Variants in HIP1R observed in about 807,000 individuals in gnomAD.
HIP1R encodes huntingtin interacting protein 1 related.
A neutral mutation model predicts 144.2 loss-of-function variants in HIP1R; 135 were observed. The observed-to-expected ratio is 0.94, with a 90% CI of 0.81 to 1.08. HIP1R has a LOEUF of 1.08. HIP1R is among the 50% of genes least tolerant of loss of function. The pLI, the probability that HIP1R is intolerant of heterozygous loss-of-function variation, is 0.00. For synonymous variants in HIP1R, 698 were observed against 612.8 expected, an observed-to-expected ratio of 1.14 and a Z score of -2.05; for missense variants, 1,462 against 1,432.8, an observed-to-expected ratio of 1.02 and a Z score of -0.33.
intron 1 of HIP1R, among the ~76,000 whole-genome samples, chr12:122,844,780 C>T (rs1246238484): frequency 1.3e-5 from 2 of 152,206 alleles, no homozygotes; most frequent in Non-Finnish European, 1.5e-5. Context: ...ATCCCTTCCA[C>T]TCCTCAAAGG....
rs558755795 is a variant in HIP1R, at chr12:122,850,923, T to C, written c.515+12T>C. The C allele has an allele frequency of 5.0e-6, 8 of 1,606,474 alleles. No individual in the cohort carries two copies. In the Admixed American group the frequency reaches 5.0e-5, roughly 10 times the overall value. On this transcript the variant is annotated intron_variant, in intron 6 of 31. Transcript: ENST00000253083. ...GATGTCAACAACATGTGAGTCACTC[T>C]GCATGGCTACATAGCCAGTTCCCCT...
In HIP1R at chr12:122,856,699, G is replaced by A. The variant is rs200847674; in HGVS notation, c.1593G>A (p.Ala531=). ...LEAKAGELAR[A]QEALSHTEQS... ...CCAAGGCCGGAGAGCTGGCCCGCGC[G>A]CAGGAGGCCCTGAGCCACACAGAGC... The change falls in exon 17 of 32, where the codon GCG becomes GCA. Residue 531 remains alanine (A), a synonymous_variant. Coordinates refer to ENST00000253083, the MANE Select transcript of HIP1R (RefSeq NM_003959.3). 46 of 1,587,204 alleles carry A rather than the reference G, an allele frequency of 2.9e-5. No homozygotes were observed. The highest frequency in any genetic ancestry group is 4.0e-5 in the African/African-American group (3 of 74,466).
chr12:122,856,767 C>A, intron 17 of HIP1R, 41 bp downstream of exon 17: 1 of 1,490,084 alleles, frequency 6.7e-7, no homozygotes. Flanking sequence ...GTTCTGGGGC[C>A]AGTCCTGGGT....
rs1374839926 is a variant in HIP1R at position 122,856,047 on chromosome 12, GGAAGCA to G, written c.1207_1212del (p.Gln403_Lys404del). The stretch of plus-strand genomic sequence containing the variant: ...CTGGAGGGTGAGCTGGAGGAGCAGC[GGAAGCA>G]GAAGCAGAAGGCCCTGGTGGATAAT... On this transcript the variant is annotated inframe_deletion, in exon 14 of 32. Coordinates refer to ENST00000253083, the MANE Select transcript of HIP1R (RefSeq NM_003959.3). 9 of 1,593,976 alleles carry G rather than the reference GGAAGCA, an allele frequency of 5.6e-6. No homozygotes were observed. In the Admixed American group the frequency reaches 7.1e-5, roughly 13 times the overall value.
At chr12:122,844,352 C>G (rs921213953) in intron 1 of HIP1R, among the ~76,000 whole-genome samples, 1 of 152,146 alleles carries the variant, frequency 6.6e-6, no homozygotes, top group Non-Finnish European at 1.5e-5. Flanking sequence ...GCCTTGAACT[C>G]CTGGGCTCAA....
Position 122,861,316 on chromosome 12 carries a change from C to T in HIP1R, c.2961C>T (p.Val987=). 6.2e-7 allele frequency: 1 copy of T among 1,613,648 alleles called. No homozygotes were observed. The highest frequency in any genetic ancestry group is 1.1e-5 in the South Asian group (1 of 91,082). The change falls in exon 31 of 32, where the codon GTC becomes GTT. Residue 987 remains valine, a synonymous_variant. Coordinates refer to ENST00000253083, the MANE Select transcript of HIP1R (RefSeq NM_003959.3). ...KKQEMETQVR[V]LELEKTLEAE... is the part of the protein sequence containing the mutation. ...AGGCCGTGTGGCTACAGGTGCGTGT[C>T]CTGGAGCTGGAGAAGACGCTGGAGG...
At position 122,848,024 on chromosome 12, in the gene HIP1R, C is replaced by A. The variant is rs762718504; in HGVS notation, c.94-7C>A. The A allele has an allele frequency of 1.2e-6, 2 of 1,613,558 alleles. No homozygotes were observed. The highest frequency in any genetic ancestry group is 2.7e-5 in the African/African-American group (2 of 75,054). On this transcript the variant is annotated splice_polypyrimidine_tract_variant and splice_region_variant and intron_variant, in intron 1 of 31. Coordinates refer to ENST00000253083, the MANE Select transcript of HIP1R (RefSeq NM_003959.3). ...GGCTCTAAACACTGCTCCTTTGTCC[C>A]TCACAGGCCATCAGCATCAGCAAAG...
rs368970440 is a variant in HIP1R at position 122,859,437 on chromosome 12, C to T, written c.2307C>T (p.Pro769=). 2 of 1,613,322 alleles carry T rather than the reference C, an allele frequency of 1.2e-6. No homozygotes were observed. The highest frequency in any genetic ancestry group is 2.2e-5 in the South Asian group (2 of 91,078). Residue 769 remains proline (P), a synonymous_variant, in exon 23 of 32, where the codon CCC becomes CCT. Transcript: ENST00000253083. ...CCCATCCTCACCAGGAACTGAAACC[C>T]AAGAGCCTAGATGTGCGGCAGGAGG... ...GILQLGQELK[P]KSLDVRQEEL... is the part of the protein sequence containing the mutation.
rs1289287120 is a variant in HIP1R, at chr12:122,856,082, C to A, written c.1231C>A (p.Gln411Lys). Residue 411 changes from glutamine to lysine, a missense_variant, in exon 14 of 32, where the codon CAG becomes AAG. Gln to Lys is a moderately conservative substitution (Grantham distance 53). Around this residue, in one of 2 missense-constraint regions of HIP1R, gnomAD observed 1,112 missense variants for 1,011.7 expected, o/e 1.10. Coordinates refer to ENST00000253083, the MANE Select transcript of HIP1R (RefSeq NM_003959.3). ...QKQKALVDNE[Q>K]LRHELAQLRA... ...GCAGAAGGCCCTGGTGGATAATGAG[C>A]AGCTCCGCCACGAGCTGGCCCAGCT... is the stretch of plus-strand genomic sequence containing the variant. 2.5e-6 allele frequency: 4 copies of A among 1,586,310 alleles called. No homozygotes were observed. In the South Asian group the frequency reaches 4.6e-5, roughly 18 times the overall value.
chr12:122,862,138 C>A lies in HIP1R; in HGVS notation c.*385C>A, dbSNP rs970557777. On this transcript the variant is annotated 3_prime_UTR_variant, in exon 32 of 32. Coordinates refer to ENST00000253083, the MANE Select transcript of HIP1R (RefSeq NM_003959.3). ...TGGGAAACCGGGCCAGCGTGGGGCTCCCTGCCTTCTGGACTCCTGAAGGTC... is the reference window on the plus strand; with the variant it reads ...TGGGAAACCGGGCCAGCGTGGGGCTACCTGCCTTCTGGACTCCTGAAGGTC... 1.5e-5 allele frequency: 3 copies of A among 195,708 alleles called. No homozygotes were observed. The highest frequency in any genetic ancestry group is 7.1e-5 in the African/African-American group (3 of 42,492). 12.1% of individuals were successfully genotyped at this position (195,708 alleles called of 1,614,324 possible).
chr12:122,859,739 C>T, intron 23 of HIP1R, 33 bp from the exon 24 acceptor site: 1 of 1,607,528 alleles, frequency 6.2e-7, no homozygotes, highest in Non-Finnish European at 8.5e-7. Flanking sequence ...TCCCCTCCTC[C>T]CAGCCAGCTC....
Position 122,848,050 on chromosome 12 carries a change from C to CTT in HIP1R, c.113_114insTT (p.Ile39SerfsTer9), listed in dbSNP as rs1164322866. 1 of 1,613,644 alleles carries CTT rather than the reference C, an allele frequency of 6.2e-7. No individual in the cohort carries two copies. Among genetic ancestry groups the CTT allele is most frequent in the Non-Finnish European group, 8.5e-7 (1 of 1,179,966 alleles). ...TCACAGGCCATCAGCATCAGCAAAG[C>CTT]CATCAACACCCAGGAGGCCCCCGTG... On this transcript the variant is annotated frameshift_variant, in exon 2 of 32. Coordinates refer to ENST00000253083, the MANE Select transcript of HIP1R (RefSeq NM_003959.3). LOFTEE classifies it high-confidence loss of function.
rs778935350 is a variant in HIP1R, at chr12:122,858,354, C to G, written c.1969C>G (p.Leu657Val). 3 of 1,608,972 alleles carry G rather than the reference C, an allele frequency of 1.9e-6. No homozygotes were observed. In the South Asian group the frequency reaches 3.3e-5, roughly 18 times the overall value. Residue 657 changes from leucine to valine, a missense_variant, in exon 20 of 32, where the codon CTG becomes GTG. Leu to Val is a conservative substitution (Grantham distance 32, BLOSUM62 1). Transcript: ENST00000253083. Reference protein sequence around the residue: ...HLRCTSSPDYLVSRAQEALDA... With the variant: ...HLRCTSSPDYVVSRAQEALDA... Reference sequence around the variant, plus strand: ...AGTTCTCCTCGTGCTTGCAGACTACCTGGTGAGCAGGGCCCAGGAGGCCTT... The same window carrying G: ...AGTTCTCCTCGTGCTTGCAGACTACGTGGTGAGCAGGGCCCAGGAGGCCTT...
chr12:122,857,136 A>G lies in HIP1R; in HGVS notation c.1736A>G (p.Glu579Gly), dbSNP rs1318949921. 5.2e-6 allele frequency: 8 copies of G among 1,550,348 alleles called. No individual in the cohort carries two copies. The highest frequency in any genetic ancestry group is 6.1e-6 in the Non-Finnish European group (7 of 1,146,938). The change falls in exon 18 of 32, where the codon GAG becomes GGG. Residue 579 changes from glutamate (E) to glycine (G), a missense_variant. Glu to Gly is a moderately conservative substitution (Grantham distance 98, BLOSUM62 -2). Coordinates refer to ENST00000253083, the MANE Select transcript of HIP1R (RefSeq NM_003959.3). Reference protein sequence around the residue: ...DLLAAQSLVRETEAALSREQQ... With the variant: ...DLLAAQSLVRGTEAALSREQQ... ...CTGGCGGCGCAGAGCCTGGTGCGCGAGACAGAGGCGGCGCTGAGCCGGGAG... is the reference window on the plus strand; with the variant it reads ...CTGGCGGCGCAGAGCCTGGTGCGCGGGACAGAGGCGGCGCTGAGCCGGGAG...
At chr12:122,851,797 A>T (rs1215543511) in intron 7 of HIP1R, among the ~76,000 whole-genome samples, 1 of 152,134 alleles carries the variant, frequency 6.6e-6, no homozygotes, top group Non-Finnish European at 1.5e-5. Context: ...CCCAGCGGGT[A>T]CATCCAGGAT....
chr12:122,855,534 A>C lies in HIP1R; in HGVS notation c.994-17A>C, dbSNP rs753675803. ...GAGGGCACAGGTGAGTGGGGTCACC[A>C]TGCTTTGCTGTGGCAGGTGGTGGCT... On this transcript the variant is annotated splice_polypyrimidine_tract_variant and intron_variant, in intron 11 of 31. Coordinates refer to ENST00000253083, the MANE Select transcript of HIP1R (RefSeq NM_003959.3). 4 of 1,549,364 alleles carry C rather than the reference A, an allele frequency of 2.6e-6. No homozygotes were observed. Among genetic ancestry groups the C allele is most frequent in the Non-Finnish European group, 3.5e-6 (4 of 1,147,028 alleles).
rs945797819 is a variant in HIP1R, at chr12:122,836,326, C to T, written c.93+683C>T. ...TAGGTGCACACCCCCTCATTAAATA[C>T]CGGCGCCCGACAGACAGAAACTTCC... On this transcript the variant is annotated intron_variant, in intron 1 of 31. Coordinates refer to ENST00000253083, the MANE Select transcript of HIP1R (RefSeq NM_003959.3). The surrounding 1 kb of genome is among the most constrained non-coding windows in gnomAD (Gnocchi z 4.1). 1.3e-5 allele frequency among the ~76,000 whole-genome samples: 2 copies of T among 152,156 alleles called. No homozygotes were observed. The highest frequency in any genetic ancestry group is 4.8e-5 in the African/African-American group (2 of 41,432).
rs568164279 is a variant in HIP1R at position 122,859,754 on chromosome 12, C to G, written c.2407-18C>G. On this transcript the variant is annotated intron_variant, in intron 23 of 31. Coordinates refer to ENST00000253083, the MANE Select transcript of HIP1R (RefSeq NM_003959.3). ...TCCCCTCCTCCCAGCCAGCTCACGG[C>G]TCTGTTCTTGGGTGCAGGACATGAT... is the stretch of plus-strand genomic sequence containing the variant. The G allele has an allele frequency of 6.2e-7, 1 of 1,611,272 alleles. No homozygotes were observed. The highest frequency in any genetic ancestry group is 8.5e-7 in the Non-Finnish European group (1 of 1,178,564).
In HIP1R at chr12:122,858,186, A is replaced by G. The variant is rs1166776103; in HGVS notation, c.1900A>G (p.Ile634Val). The change falls in exon 19 of 32, where the codon ATC (isoleucine) becomes GTC (valine). Residue 634 changes from isoleucine (I) to valine (V), a missense_variant. Ile to Val is a conservative substitution (Grantham distance 29). Transcript: ENST00000253083. Reference protein sequence around the residue: ...LRGAAAEAAGILQDAVSKLDD... With the variant: ...LRGAAAEAAGVLQDAVSKLDD... ...GGGCGCTGCTGCCGAGGCCGCGGGCATCCTGCAGGATGCCGTGAGCAAGCT... is the reference window on the plus strand; with the variant it reads ...GGGCGCTGCTGCCGAGGCCGCGGGCGTCCTGCAGGATGCCGTGAGCAAGCT... The G allele has an allele frequency of 1.9e-6, 3 of 1,608,206 alleles. No homozygotes were observed. Among genetic ancestry groups the G allele is most frequent in the Non-Finnish European group, 2.5e-6 (3 of 1,177,854 alleles).
Sources: allele counts gnomAD v4.1 joint callset (sites outside exome capture counted in the v4.1 genomes callset), GRCh38; gene constraint gnomAD v4.1.1; regional missense constraint gnomAD v4.1.1; non-coding constraint Gnocchi (gnomAD v3.1); transcripts MANE v1.5; gene names NCBI Gene and HGNC (gene_info 2026-07-23, HGNC 2026-07-21).